Variants in CDH12 observed in about 807,000 individuals in gnomAD.
CDH12 encodes the protein cadherin-12.
CDH12 carries 41 observed loss-of-function variants against 74.1 expected under a neutral mutation model. That is an observed-to-expected ratio of 0.55 (90% CI 0.43 to 0.72). The LOEUF (loss-of-function observed/expected upper bound fraction) is 0.72. Among genes scored for constraint, CDH12 ranks in the 30% least tolerant of loss-of-function variants. The pLI, the probability that CDH12 is intolerant of heterozygous loss-of-function variation, is 0.00. For missense variants in CDH12, 945 were observed against 977.2 expected (o/e 0.97, Z 0.44); for synonymous variants, 399 against 355.0 (o/e 1.12, Z -1.39).
chr5:22,361,500 C>T (rs1740798753), intron 3 of CDH12, among the ~76,000 whole-genome samples: 2 of 152,294 alleles, frequency 1.3e-5, no homozygotes, highest in East Asian at 1.9e-4. Context: ...AATGGCCATA[C>T]TGCCCAAGGT....
intron 3 of CDH12, among the ~76,000 whole-genome samples, chr5:22,308,366 A>C (rs1738219201): frequency 6.6e-6 from 1 of 152,136 alleles, no homozygotes; most frequent in Non-Finnish European, 1.5e-5. Flanking sequence ...TCATTATCCG[A>C]TTGCCATCTG....
At chr5:22,284,255 T>A (rs1475133838) in intron 3 of CDH12, among the ~76,000 whole-genome samples, 1 of 152,144 alleles carries the variant, frequency 6.6e-6, no homozygotes, top group African/African-American at 2.4e-5. Flanking sequence ...ATTTATTAAC[T>A]GCTGTATAAA....
chr5:22,186,717 C>T (rs185225002), intron 4 of CDH12, among the ~76,000 whole-genome samples: 30 of 152,248 alleles, frequency 2.0e-4, no homozygotes, highest in East Asian at 1.7e-3. Flanking sequence ...GTGATGCCCC[C>T]GCCTTGGCCT....
At chr5:22,728,878 A>C (rs761481145) in intron 1 of CDH12, among the ~76,000 whole-genome samples, 7 of 151,816 alleles carry the variant, frequency 4.6e-5, no homozygotes, top group Non-Finnish European at 8.8e-5. Context: ...TCCTAGTACC[A>C]TACCATTGAT....
intron 3 of CDH12, among the ~76,000 whole-genome samples, chr5:22,304,459 T>C (rs1408502060): frequency 1.3e-5 from 2 of 152,198 alleles, no homozygotes; most frequent in Non-Finnish European, 2.9e-5. Flanking sequence ...ATATATTATT[T>C]TCTTGGCACA....
At position 22,667,701 on chromosome 5, in the gene CDH12, G is replaced by A. The variant is rs1259880527; in HGVS notation, c.-522-162337C>T. Among the ~76,000 whole-genome samples the A allele has an allele frequency of 5.3e-5, 8 of 152,172 alleles. No homozygotes were observed. The East Asian group carries it at 1.5e-3, about 29-fold the overall frequency. ...TCCAGAATGAATAGATTTTTATCCAGCCCTCCAGTGTAATGGTTAAAAGCT... is the reference window on the plus strand; with the variant it reads ...TCCAGAATGAATAGATTTTTATCCAACCCTCCAGTGTAATGGTTAAAAGCT... On this transcript the variant is annotated intron_variant, in intron 1 of 14. Coordinates refer to ENST00000382254, the MANE Select transcript of CDH12 (RefSeq NM_004061.5).
intron 6 of CDH12, among the ~76,000 whole-genome samples, chr5:21,867,486 G>A (rs1751392500): frequency 6.6e-6 from 1 of 152,220 alleles, no homozygotes; most frequent in African/African-American, 2.4e-5. Flanking sequence ...CCAACACCAT[G>A]GGAACCCACT....
At chr5:22,134,367 T>C (rs1746341119) in intron 4 of CDH12, among the ~76,000 whole-genome samples, 1 of 152,032 alleles carries the variant, frequency 6.6e-6, no homozygotes, top group Non-Finnish European at 1.5e-5. Flanking sequence ...ATTCAAATAA[T>C]CCCACAGTTC....
At chr5:22,783,454 A>G (rs1747479982) in intron 1 of CDH12, among the ~76,000 whole-genome samples, 2 of 152,158 alleles carry the variant, frequency 1.3e-5, no homozygotes, top group South Asian at 4.1e-4. Flanking sequence ...TGTTAAAATC[A>G]GATAACTTAC....
At chr5:22,690,686 T>C (rs936391853) in intron 1 of CDH12, among the ~76,000 whole-genome samples, 3 of 152,152 alleles carry the variant, frequency 2.0e-5, no homozygotes, top group African/African-American at 7.2e-5. Context: ...TCCCTTAACT[T>C]TTCTTTTGTG....
At chr5:22,681,229 GT>G (rs1212236871) in intron 1 of CDH12, among the ~76,000 whole-genome samples, 8 of 129,254 alleles carry the variant, frequency 6.2e-5, no homozygotes, top group South Asian at 2.4e-4. Context: ...GTATTGGGGG[GT>G]GTGTGTGTGT....
At chr5:21,840,472 C>T (rs1188101400) in intron 8 of CDH12, among the ~76,000 whole-genome samples, 1 of 151,580 alleles carries the variant, frequency 6.6e-6, no homozygotes, top group Non-Finnish European at 1.5e-5. Context: ...ATCAAGCTAC[C>T]AATGACTTTC....
intron 5 of CDH12, among the ~76,000 whole-genome samples, chr5:22,023,340 T>C (rs1738113980): frequency 6.6e-6 from 1 of 152,184 alleles, no homozygotes; most frequent in South Asian, 2.1e-4. Flanking sequence ...GCCTTCATTA[T>C]ATTCATCATG....
At chr5:22,158,585 T>G (rs1270365082) in intron 4 of CDH12, among the ~76,000 whole-genome samples, 1 of 152,032 alleles carries the variant, frequency 6.6e-6, no homozygotes, top group Non-Finnish European at 1.5e-5. Context: ...AATATCACGG[T>G]GGTAATTCAG....
intron 1 of CDH12, among the ~76,000 whole-genome samples, chr5:22,793,172 G>T (rs1287215746): frequency 6.6e-6 from 1 of 152,160 alleles, no homozygotes; most frequent in Admixed American, 6.5e-5. Flanking sequence ...GGGAAAACCT[G>T]CAATCTCTCC....
chr5:22,534,347 C>T (rs1376621196), intron 1 of CDH12, among the ~76,000 whole-genome samples: 1 of 152,130 alleles, frequency 6.6e-6, no homozygotes, highest in Non-Finnish European at 1.5e-5. Flanking sequence ...TTATCCCTCA[C>T]CCCCTTCCCA....
intron 1 of CDH12, among the ~76,000 whole-genome samples, chr5:22,569,357 A>T (rs1561496624): frequency 6.6e-6 from 1 of 152,128 alleles, no homozygotes; most frequent in East Asian, 1.9e-4. Context: ...TCACCATGTG[A>T]CATGCTTGCT....
chr5:21,900,380 A>G (rs1753330071), intron 6 of CDH12, among the ~76,000 whole-genome samples: 1 of 152,246 alleles, frequency 6.6e-6, no homozygotes, highest in Non-Finnish European at 1.5e-5. Flanking sequence ...GAATAATAAT[A>G]CAATCTATAT....
Position 22,565,921 on chromosome 5 carries a change from CAAT to C in CDH12, c.-522-60560_-522-60558del, listed in dbSNP as rs1739260895. Among the ~76,000 whole-genome samples the C allele has an allele frequency of 3.3e-5, 5 of 152,188 alleles. No homozygotes were observed. In the South Asian group the frequency reaches 1.0e-3, roughly 32 times the overall value. On this transcript the variant is annotated intron_variant, in intron 1 of 14. Coordinates refer to ENST00000382254, the MANE Select transcript of CDH12 (RefSeq NM_004061.5). The stretch of plus-strand genomic sequence containing the variant: ...GCCATAAGAAGTAATAGAGCTTAAA[CAAT>C]ACAAAATACACCAAGAAAAGATGAG...
Sources: gnomAD v4.1 joint callset for allele counts (sites outside exome capture counted in the v4.1 genomes callset) on GRCh38, gnomAD v4.1.1 for gene constraint, MANE v1.5 for transcripts, NCBI Gene and HGNC (gene_info 2026-07-23, HGNC 2026-07-21) for gene names.